Variants in RBFOX1 observed in about 807,000 individuals in gnomAD.
RBFOX1 encodes the protein RNA binding fox-1 homolog 1.
In RBFOX1, 8 loss-of-function variants were observed where a neutral mutation model predicts 57.7. The ratio of observed to expected loss-of-function variants is 0.14; its 90% CI spans 0.08 to 0.25. The LOEUF is 0.25. RBFOX1 is among the 10% of genes least tolerant of loss of function. The pLI is 1.00. For missense variants in RBFOX1, 611 were observed against 548.5 expected (o/e 1.11, Z -1.14); for synonymous variants, 326 against 222.4 (o/e 1.47, Z -4.15).
intron 3 of RBFOX1, among the ~76,000 whole-genome samples, chr16:5,773,764 C>T (rs2054054722): frequency 6.6e-6 from 1 of 151,806 alleles, no homozygotes; most frequent in Non-Finnish European, 1.5e-5. Flanking sequence ...GTGGTGTGAT[C>T]TCGGCTCACT....
chr16:5,405,902 A>G (rs967999658), intron 1 of RBFOX1, among the ~76,000 whole-genome samples: 4 of 152,124 alleles, frequency 2.6e-5, no homozygotes, highest in African/African-American at 9.7e-5. Context: ...ATCTCCCCAC[A>G]GGCTGAGGAC....
chr16:5,527,565 G>C lies in RBFOX1; in HGVS notation c.258+60311G>C, dbSNP rs74004375. On this transcript the variant is annotated intron_variant, in intron 2 of 2. Coordinates refer to the RBFOX1 transcript ENST00000585867. Reference sequence around the variant, plus strand: ...TGAGCCACTGAATATGTAGGGGCTTGTTTGTTACAGCAGCTGGTGATGCGT... The same window carrying C: ...TGAGCCACTGAATATGTAGGGGCTTCTTTGTTACAGCAGCTGGTGATGCGT... Among the ~76,000 whole-genome samples, 1,402 of 152,294 alleles carry C rather than the reference G, an allele frequency of 9.2e-3. 26 individuals carry two copies. The highest frequency in any genetic ancestry group is 0.032 in the African/African-American group (1,343 of 41,554).
intron 4 of RBFOX1, among the ~76,000 whole-genome samples, chr16:7,173,105 A>G (rs944893432): frequency 6.6e-6 from 1 of 152,216 alleles, no homozygotes. Flanking sequence ...AGGGTTTAGT[A>G]TCAGACATAC....
chr16:7,211,552 A>G (rs1280480855), intron 4 of RBFOX1, among the ~76,000 whole-genome samples: 1 of 152,188 alleles, frequency 6.6e-6, no homozygotes, highest in Non-Finnish European at 1.5e-5. Context: ...CATGTAAAGC[A>G]AACAAACAAA....
chr16:6,505,552 G>C (rs62017762), intron 2 of RBFOX1, among the ~76,000 whole-genome samples: 46,778 of 152,062 alleles, frequency 0.31, 7,974 homozygotes, highest in Non-Finnish European at 0.39. Context: ...GTCTAGTACA[G>C]CTAGACAGAG....
At chr16:6,924,906 C>G (rs1031266850) in intron 3 of RBFOX1, among the ~76,000 whole-genome samples, 7 of 138,772 alleles carry the variant, frequency 5.0e-5, no homozygotes, top group Admixed American at 1.6e-4. Flanking sequence ...TCTCATTGTT[C>G]AATTCCTACC....
At chr16:6,988,028 A>G (rs1460577616) in intron 3 of RBFOX1, among the ~76,000 whole-genome samples, 1 of 152,180 alleles carries the variant, frequency 6.6e-6, no homozygotes, top group African/African-American at 2.4e-5. Context: ...TGAAAAAAAA[A>G]TTAGATATGG....
At chr16:7,025,398 T>C (rs1185468223) in intron 3 of RBFOX1, among the ~76,000 whole-genome samples, 2 of 152,146 alleles carry the variant, frequency 1.3e-5, no homozygotes, top group Admixed American at 6.5e-5. Flanking sequence ...GCAAGGTCCT[T>C]ATGACCTGTA....
At chr16:6,355,782 C>T (rs922119762) in intron 2 of RBFOX1, among the ~76,000 whole-genome samples, 3 of 152,212 alleles carry the variant, frequency 2.0e-5, no homozygotes, top group Non-Finnish European at 2.9e-5. Flanking sequence ...TTCTCCACAT[C>T]CTCTCCAGCT....
chr16:6,152,076 T>C (rs1020379159), intron 1 of RBFOX1, among the ~76,000 whole-genome samples: 5 of 152,204 alleles, frequency 3.3e-5, no homozygotes, highest in Admixed American at 2.6e-4. Flanking sequence ...TTTTCCTTTA[T>C]TGGCCAGGAG....
chr16:7,479,379 C>T (rs2063423582), intron 4 of RBFOX1, among the ~76,000 whole-genome samples: 1 of 152,132 alleles, frequency 6.6e-6, no homozygotes, highest in African/African-American at 2.4e-5. Flanking sequence ...TATCCTCTGG[C>T]TTGGCCTCCC....
At chr16:6,177,699 A>G (rs904210105) in intron 1 of RBFOX1, among the ~76,000 whole-genome samples, 3 of 152,134 alleles carry the variant, frequency 2.0e-5, no homozygotes, top group Admixed American at 1.3e-4. Flanking sequence ...AGGAAGCAGG[A>G]TTTTACTCAC....
chr16:5,636,096 C>G (rs1429956018), intron 3 of RBFOX1, among the ~76,000 whole-genome samples: 2 of 152,094 alleles, frequency 1.3e-5, no homozygotes, highest in Non-Finnish European at 2.9e-5. Flanking sequence ...GCCTGTAACC[C>G]CAGCACTTTG....
intron 3 of RBFOX1, among the ~76,000 whole-genome samples, chr16:6,820,974 G>A (rs1369586657): frequency 6.6e-6 from 1 of 152,148 alleles, no homozygotes; most frequent in Non-Finnish European, 1.5e-5. Context: ...TTTGTATTAT[G>A]TGTTATATAC....
At chr16:5,381,690 G>A (rs1192593752) in intron 1 of RBFOX1, among the ~76,000 whole-genome samples, 1 of 152,204 alleles carries the variant, frequency 6.6e-6, no homozygotes, top group Non-Finnish European at 1.5e-5. Context: ...GGTGCCCAAG[G>A]CATAGCAAGA....
chr16:7,598,454 T>C (rs2094825930), intron 9 of RBFOX1, among the ~76,000 whole-genome samples: 1 of 152,166 alleles, frequency 6.6e-6, no homozygotes, highest in Admixed American at 6.5e-5. Context: ...TGGAATTTTA[T>C]ACTTCTAAAA....
At chr16:5,466,303 C>T (rs3848378) in intron 1 of RBFOX1, among the ~76,000 whole-genome samples, 8,683 of 152,214 alleles carry the variant, frequency 0.057, 358 homozygotes, top group Admixed American at 0.087. Flanking sequence ...CAGGGTCCTT[C>T]CTGTGCAAGC....
chr16:7,701,675 G>C (rs560652180), intron 14 of RBFOX1, among the ~76,000 whole-genome samples: 5 of 150,904 alleles, frequency 3.3e-5, no homozygotes, highest in African/African-American at 1.2e-4. Context: ...AAGTGAGCTT[G>C]GTCATCCCTA....
intron 3 of RBFOX1, among the ~76,000 whole-genome samples, chr16:5,633,216 T>A (rs1371259395): frequency 6.6e-6 from 1 of 152,010 alleles, no homozygotes; most frequent in East Asian, 1.9e-4. Context: ...GGATTACAGG[T>A]CTGAGCCACC....
Sources: allele counts gnomAD v4.1 joint callset (sites outside exome capture counted in the v4.1 genomes callset), GRCh38; gene constraint gnomAD v4.1.1; transcripts MANE v1.5; gene names NCBI Gene and HGNC (gene_info 2026-07-23, HGNC 2026-07-21).